CTNND2: variants seen among roughly 807,000 people sequenced by gnomAD.
The protein encoded by CTNND2 is catenin delta 2.
Under a neutral mutation model 144.4 loss-of-function variants are expected in CTNND2, and 22 were observed. The observed-to-expected ratio is 0.15, with a 90% CI of 0.11 to 0.22. The LOEUF is 0.22. Among genes scored for constraint, CTNND2 ranks in the 10% least tolerant of loss-of-function variants. CTNND2 has a pLI of 1.00. For missense variants in CTNND2, 1,353 were observed against 1,618.8 expected (o/e 0.84, Z 2.82); for synonymous variants, 751 against 695.6 (o/e 1.08, Z -1.25).
intron 21 of CTNND2, among the ~76,000 whole-genome samples, chr5:10,974,280 G>T (rs1439527874): frequency 1.3e-5 from 2 of 152,122 alleles, no homozygotes; most frequent in Non-Finnish European, 2.9e-5. Flanking sequence ...CCGTTTTTGT[G>T]GCTGAATAAT....
rs1396624418 is a variant in CTNND2, at chr5:11,520,124, G to A, written c.287+44820C>T. 7.4e-5 allele frequency among the ~76,000 whole-genome samples: 11 copies of A among 148,674 alleles called. No homozygotes were observed. In the Admixed American group the frequency reaches 7.4e-4, roughly 10 times the overall value. Reference sequence around the variant, plus strand: ...ATCACGCCACTGCACTCTAGCCTGGGCAACAAGAGTGAAACTCTGTCTTGG... The same window carrying A: ...ATCACGCCACTGCACTCTAGCCTGGACAACAAGAGTGAAACTCTGTCTTGG... On this transcript the variant is annotated intron_variant, in intron 3 of 21. Transcript: ENST00000304623.
intron 7 of CTNND2, among the ~76,000 whole-genome samples, chr5:11,383,866 A>G (rs1370164109): frequency 6.6e-6 from 1 of 152,196 alleles, no homozygotes; most frequent in Non-Finnish European, 1.5e-5. Flanking sequence ...AGCTGAGCAT[A>G]TGGTGCTAAC....
At chr5:11,127,317 C>G (rs148129325) in intron 12 of CTNND2, among the ~76,000 whole-genome samples, 1 of 152,316 alleles carries the variant, frequency 6.6e-6, no homozygotes, top group Admixed American at 6.5e-5. Flanking sequence ...CCTGGGCCAT[C>G]CCTCACCAGA....
At chr5:11,295,978 CA>C (rs1275144684) in intron 9 of CTNND2, among the ~76,000 whole-genome samples, 1 of 151,800 alleles carries the variant, frequency 6.6e-6, no homozygotes, top group East Asian at 1.9e-4. Flanking sequence ...CCAAAATTGA[CA>C]AATGGGAACT....
At chr5:11,184,189 TG>T (rs1239612865) in intron 11 of CTNND2, among the ~76,000 whole-genome samples, 2 of 152,146 alleles carry the variant, frequency 1.3e-5, no homozygotes, top group African/African-American at 4.8e-5. Flanking sequence ...GAATAAAGGA[TG>T]GGGGATGGTT....
At chr5:11,709,145 G>T (rs1426068306) in intron 2 of CTNND2, among the ~76,000 whole-genome samples, 1 of 152,176 alleles carries the variant, frequency 6.6e-6, no homozygotes, top group Admixed American at 6.5e-5. Context: ...GCGTTTATGT[G>T]TCAGAGCTAT....
At chr5:11,862,409 C>A (rs1370423769) in intron 1 of CTNND2, among the ~76,000 whole-genome samples, 2 of 152,122 alleles carry the variant, frequency 1.3e-5, no homozygotes, top group Non-Finnish European at 2.9e-5. Context: ...TTCAAGTATG[C>A]ACTAACAACA....
intron 5 of CTNND2, among the ~76,000 whole-genome samples, chr5:11,403,366 TGCAAAGGACA>T (rs1484841763): frequency 3.3e-5 from 5 of 152,228 alleles, no homozygotes; most frequent in Non-Finnish European, 7.3e-5. Context: ...TCCATGTCCC[TGCAAAGGACA>T]TGAACTCATC....
chr5:11,009,068 G>A (rs538226495), intron 18 of CTNND2, among the ~76,000 whole-genome samples: 92 of 152,300 alleles, frequency 6.0e-4, no homozygotes, highest in African/African-American at 2.1e-3. Context: ...CTTCCAAAAT[G>A]ACAAAAGCTA....
intron 7 of CTNND2, among the ~76,000 whole-genome samples, chr5:11,370,283 C>T (rs1355695251): frequency 6.6e-6 from 1 of 151,266 alleles, no homozygotes; most frequent in Non-Finnish European, 1.5e-5. Flanking sequence ...AAAATGCTGA[C>T]TTCTGAATAC....
In CTNND2 at chr5:11,425,030, T is replaced by C. The variant is rs145842047; in HGVS notation, c.288-12961A>G. On this transcript the variant is annotated intron_variant, in intron 3 of 21. Coordinates refer to ENST00000304623, the MANE Select transcript of CTNND2 (RefSeq NM_001332.4). ...CCCATTGCCAATCAGAGACAAGAAA[T>C]TGTGCTGCTACTGAAGGAAAACTCA... is the stretch of plus-strand genomic sequence containing the variant. Among the ~76,000 whole-genome samples the C allele has an allele frequency of 5.8e-3, 878 of 152,296 alleles. 9 individuals are homozygous for C. The highest frequency in any genetic ancestry group is 0.02 in the African/African-American group (833 of 41,562).
At chr5:11,518,784 T>C (rs757713891) in intron 3 of CTNND2, among the ~76,000 whole-genome samples, 1 of 152,190 alleles carries the variant, frequency 6.6e-6, no homozygotes, top group East Asian at 1.9e-4. Flanking sequence ...GACTATACCA[T>C]ATAACCTGGT....
intron 10 of CTNND2, among the ~76,000 whole-genome samples, chr5:11,234,178 C>T (rs1427107950): frequency 6.6e-6 from 1 of 152,126 alleles, no homozygotes; most frequent in East Asian, 1.9e-4. Flanking sequence ...CACGCAGAGA[C>T]AGACACACAC....
chr5:11,248,220 A>T (rs1489340835), intron 9 of CTNND2, among the ~76,000 whole-genome samples: 1 of 152,184 alleles, frequency 6.6e-6, no homozygotes, highest in Non-Finnish European at 1.5e-5. Flanking sequence ...AGAACATTTG[A>T]GCAGTGTTTT....
intron 11 of CTNND2, among the ~76,000 whole-genome samples, chr5:11,177,180 T>G (rs1032044857): frequency 6.6e-6 from 1 of 152,206 alleles, no homozygotes; most frequent in Non-Finnish European, 1.5e-5. Context: ...CAATTTCCAA[T>G]GCACTCAGGT....
chr5:11,214,261 T>C (rs555310223), intron 10 of CTNND2, among the ~76,000 whole-genome samples: 1 of 152,350 alleles, frequency 6.6e-6, no homozygotes, highest in East Asian at 1.9e-4. Context: ...CTTTCATGCA[T>C]GAAATGTCAG....
rs1487344710 is a variant in CTNND2 at position 10,992,554 on chromosome 5, A to G, written c.3208T>C (p.Ser1070Pro). Residue 1070 changes from serine to proline, a missense_variant, in exon 19 of 22, where the codon TCA becomes CCA. By Grantham distance (74) the Ser-to-Pro change is moderately conservative. Coordinates refer to ENST00000304623, the MANE Select transcript of CTNND2 (RefSeq NM_001332.4). The stretch of plus-strand genomic sequence containing the variant: ...GCTAGCCACGGCAGCCTCTTACCTG[A>G]GCGGTTGTTGGGAGACACGCGCACA... ...SPVRVSPNNR[S>P]ASAPASPREM... 1 of 1,613,714 alleles carries G rather than the reference A, an allele frequency of 6.2e-7. No homozygotes were observed. The highest frequency in any genetic ancestry group is 8.5e-7 in the Non-Finnish European group (1 of 1,180,004).
intron 3 of CTNND2, among the ~76,000 whole-genome samples, chr5:11,459,159 A>G (rs1173418429): frequency 6.6e-6 from 1 of 152,198 alleles, no homozygotes; most frequent in Non-Finnish European, 1.5e-5. Context: ...CTTGACACCA[A>G]TTTAGTGGCT....
At chr5:11,588,316 GA>G (rs146694655) in intron 2 of CTNND2, among the ~76,000 whole-genome samples, 5,956 of 132,900 alleles carry the variant, frequency 0.045, 169 homozygotes, top group East Asian at 0.11. Flanking sequence ...CGCATCGAAG[GA>G]AAAAAAAAAA....
Sources: allele counts gnomAD v4.1 joint callset (sites outside exome capture counted in the v4.1 genomes callset), GRCh38; gene constraint gnomAD v4.1.1; transcripts MANE v1.5; gene names NCBI Gene and HGNC (gene_info 2026-07-23, HGNC 2026-07-21).